KLF12: variants seen among roughly 807,000 people sequenced by gnomAD.
KLF12 encodes Krueppel-like factor 12.
KLF12 carries 9 observed loss-of-function variants against 37.8 expected under a neutral mutation model. The ratio of observed to expected loss-of-function variants is 0.24; its 90% CI spans 0.14 to 0.42. KLF12 has a LOEUF of 0.42. Ranked by LOEUF, KLF12 falls within the 10% of genes least tolerant of loss-of-function variation. The pLI, the probability that KLF12 is intolerant of heterozygous loss-of-function variation, is 1.00. For synonymous variants in KLF12, 208 were observed against 202.1 expected, an observed-to-expected ratio of 1.03 and a Z score of -0.25; for missense variants, 411 against 516.0, an observed-to-expected ratio of 0.80 and a Z score of 1.97.
At chr13:74,235,086 A>G in the KLF12 span, among the ~76,000 whole-genome samples, 3 of 152,200 alleles carry the variant, frequency 2.0e-5, no homozygotes, top group Non-Finnish European at 4.4e-5. Context: ...TTGATGAGAC[A>G]GTTTCTGGGA....
At chr13:73,879,742 C>A (rs1886889158) in intron 3 of KLF12, among the ~76,000 whole-genome samples, 1 of 152,212 alleles carries the variant, frequency 6.6e-6, no homozygotes, top group Admixed American at 6.5e-5. Context: ...CTGGGGCCTG[C>A]AGGCCAAATC....
At chr13:73,967,322 C>G (rs1001394926) in intron 2 of KLF12, among the ~76,000 whole-genome samples, 9 of 152,254 alleles carry the variant, frequency 5.9e-5, no homozygotes, top group African/African-American at 1.9e-4. Context: ...GGTGAAGGAG[C>G]CTGCCAAGGC....
chr13:73,699,301 C>T (rs1488570623), intron 7 of KLF12, among the ~76,000 whole-genome samples: 1 of 151,582 alleles, frequency 6.6e-6, no homozygotes, highest in African/African-American at 2.4e-5. Flanking sequence ...GAAAGGATTG[C>T]TTGAGACCAA....
chr13:73,923,689 G>A (rs1889231736), intron 3 of KLF12, among the ~76,000 whole-genome samples: 1 of 152,208 alleles, frequency 6.6e-6, no homozygotes, highest in Admixed American at 6.5e-5. Context: ...TGTGTCAGCT[G>A]TTCTCAGATT....
chr13:74,166,441 A>G, the KLF12 span, among the ~76,000 whole-genome samples: 16 of 152,076 alleles, frequency 1.1e-4, no homozygotes, highest in Non-Finnish European at 1.6e-4. Context: ...TAACAAATGG[A>G]ATGCTCTATC....
chr13:74,002,695 A>G (rs1443924715), intron 1 of KLF12, among the ~76,000 whole-genome samples: 3 of 152,038 alleles, frequency 2.0e-5, no homozygotes, highest in African/African-American at 4.8e-5. Context: ...ATCAAAAACG[A>G]CTCCTTTAAA....
chr13:73,806,294 G>A (rs1882623822), intron 5 of KLF12, among the ~76,000 whole-genome samples: 1 of 151,840 alleles, frequency 6.6e-6, no homozygotes, highest in African/African-American at 2.4e-5. Flanking sequence ...AGTAGAGATG[G>A]GATTTCACCA....
In KLF12 at chr13:73,744,615, A is replaced by G. The variant is rs554730239; in HGVS notation, c.869+20323T>C. Among the ~76,000 whole-genome samples the G allele has an allele frequency of 3.2e-4, 48 of 152,126 alleles. 2 individuals are homozygous for G. The South Asian group carries it at 9.8e-3, about 31-fold the overall frequency. ...GCAGCAACAGCAAATGAAGCCAGAA[A>G]AAGCAACACAGGAGGAACTGCTATA... On this transcript the variant is annotated intron_variant, in intron 6 of 7. Transcript: ENST00000377669.
intron 3 of KLF12, among the ~76,000 whole-genome samples, chr13:73,878,164 C>T (rs1449736116): frequency 1.3e-5 from 2 of 152,132 alleles, no homozygotes; most frequent in African/African-American, 4.8e-5. Flanking sequence ...ATAAGAGTTA[C>T]ACAGACTTTA....
intron 3 of KLF12, among the ~76,000 whole-genome samples, chr13:73,855,548 A>G (rs1885563285): frequency 6.6e-6 from 1 of 152,182 alleles, no homozygotes; most frequent in African/African-American, 2.4e-5. Context: ...ATAGTGCTGC[A>G]ATGAATATAT....
At chr13:73,755,265 T>A (rs1487854506) in intron 6 of KLF12, among the ~76,000 whole-genome samples, 4 of 152,084 alleles carry the variant, frequency 2.6e-5, no homozygotes, top group Non-Finnish European at 5.9e-5. Flanking sequence ...ATTGGAGAGA[T>A]TTCTATTTTA....
chr13:74,092,194 G>A (rs1010662429), intron 1 of KLF12, among the ~76,000 whole-genome samples: 38 of 151,334 alleles, frequency 2.5e-4, no homozygotes, highest in African/African-American at 8.3e-4. Context: ...CTATCTGGGA[G>A]GCTGAGGCAG....
At chr13:74,073,377 C>T (rs917842543) in intron 1 of KLF12, among the ~76,000 whole-genome samples, 1 of 152,110 alleles carries the variant, frequency 6.6e-6, no homozygotes, top group Admixed American at 6.5e-5. Context: ...TAATGTTGAC[C>T]TTTGTACTTC....
chr13:73,850,412 A>C (rs1885272417), intron 3 of KLF12, among the ~76,000 whole-genome samples: 1 of 152,234 alleles, frequency 6.6e-6, no homozygotes, highest in South Asian at 2.1e-4. Context: ...CCTACTTGTT[A>C]GTTCCCAGAG....
At chr13:73,990,445 C>A (rs1891936968) in intron 2 of KLF12, among the ~76,000 whole-genome samples, 1 of 152,080 alleles carries the variant, frequency 6.6e-6, no homozygotes, top group South Asian at 2.1e-4. Context: ...CACAGTGACA[C>A]CAAATGCCAG....
At chr13:73,710,302 AC>A (rs1566311053) in intron 7 of KLF12, among the ~76,000 whole-genome samples, 1 of 152,146 alleles carries the variant, frequency 6.6e-6, no homozygotes, top group Non-Finnish European at 1.5e-5. Flanking sequence ...GCTAAAAAAA[AC>A]TTAACACCAT....
the KLF12 span, among the ~76,000 whole-genome samples, chr13:74,198,265 G>C: frequency 2.6e-5 from 4 of 152,148 alleles, no homozygotes; most frequent in Admixed American, 6.6e-5. Flanking sequence ...CTGGGGTATG[G>C]TGAAAGCAAG....
At chr13:74,305,510 C>CT in the KLF12 span, among the ~76,000 whole-genome samples, 7 of 151,714 alleles carry the variant, frequency 4.6e-5, no homozygotes, top group Non-Finnish European at 7.4e-5. Flanking sequence ...CTTACTCTCT[C>CT]TTTTTTTTAG....
intron 5 of KLF12, among the ~76,000 whole-genome samples, chr13:73,782,971 G>A (rs1881066493): frequency 6.6e-6 from 1 of 152,194 alleles, no homozygotes; most frequent in Admixed American, 6.5e-5. Flanking sequence ...GTGTTAAAGA[G>A]CAGAGACCTT....
Sources: allele counts gnomAD v4.1 joint callset (sites outside exome capture counted in the v4.1 genomes callset), GRCh38; gene constraint gnomAD v4.1.1; transcripts MANE v1.5; gene names NCBI Gene and HGNC (gene_info 2026-07-23, HGNC 2026-07-21).